Variants in EMP1 observed in about 807,000 individuals in gnomAD.
The protein encoded by EMP1 is tumor-associated membrane protein.
In EMP1, 5 loss-of-function variants were observed where a neutral mutation model predicts 15.7. The ratio of observed to expected loss-of-function variants is 0.32; its 90% confidence interval spans 0.17 to 0.67. The LOEUF (loss-of-function observed/expected upper bound fraction) is 0.67. Ranked by LOEUF, EMP1 falls within the 30% of genes least tolerant of loss-of-function variation. The pLI, the probability that EMP1 is intolerant of heterozygous loss-of-function variation, is 0.74. For missense variants in EMP1, 166 were observed against 194.2 expected (o/e 0.85, Z 0.86); for synonymous variants, 78 against 76.7 (o/e 1.02, Z -0.09).
chr12:13,204,861 T>G (rs368849514), intron 1 of EMP1, among the ~76,000 whole-genome samples: 1 of 152,216 alleles, frequency 6.6e-6, no homozygotes, highest in Admixed American at 6.5e-5. Flanking sequence ...CAGGACTGTG[T>G]TATGACTTGA....
At chr12:13,202,939 C>T (rs987011554) in intron 1 of EMP1, among the ~76,000 whole-genome samples, 2 of 152,172 alleles carry the variant, frequency 1.3e-5, no homozygotes, top group Admixed American at 6.5e-5. Flanking sequence ...GAAATGGCTT[C>T]AGTTCTGATT....
chr12:13,203,928 GGC>G (rs1211485745), intron 1 of EMP1, among the ~76,000 whole-genome samples: 3 of 152,074 alleles, frequency 2.0e-5, no homozygotes, highest in Non-Finnish European at 4.4e-5. Flanking sequence ...CCCACACCTT[GGC>G]TCCTCACCCC....
rs1454366992 is a variant in EMP1, at chr12:13,216,508, A to G, written c.*1817A>G. 1 of 700,128 alleles carries G rather than the reference A, an allele frequency of 1.4e-6. No individual in the cohort carries two copies. Among genetic ancestry groups the G allele is most frequent in the Non-Finnish European group, 2.6e-6 (1 of 383,700 alleles). The allele number at this position is 700,128 out of a possible 1,614,324, so 43.4% of individuals were successfully genotyped here. On this transcript the variant is annotated 3_prime_UTR_variant, in exon 5 of 5. Coordinates refer to ENST00000256951, the MANE Select transcript of EMP1 (RefSeq NM_001423.3). The stretch of plus-strand genomic sequence containing the variant: ...AGAAGGCTGTCTTAGTGCAAAAAAC[A>G]TACTTACATTTCAGACATATCCAAA...
chr12:13,206,072 C>T (rs1042446935), intron 1 of EMP1, among the ~76,000 whole-genome samples: 1 of 151,964 alleles, frequency 6.6e-6, no homozygotes, highest in African/African-American at 2.4e-5. Flanking sequence ...ATGCCATGGT[C>T]AGGCTAGGAC....
At chr12:13,209,508 G>A (rs1467454474) in intron 1 of EMP1, 3 of 152,168 alleles carry the variant, frequency 2.0e-5, no homozygotes, top group Non-Finnish European at 4.4e-5. Flanking sequence ...ACTGGGTTGG[G>A]TTGGCAACAG....
At position 13,202,026 on chromosome 12, in the gene EMP1, C is replaced by T. The variant is rs138296788; in HGVS notation, c.-43+5154C>T. On this transcript the variant is annotated intron_variant, in intron 1 of 4. Transcript: ENST00000256951. ...AGGGAGGGCAAGTGGGATGCTGTTTCCCAGGCCTGTGTGTTGAGGGAGGAG... is the reference window on the plus strand; with the variant it reads ...AGGGAGGGCAAGTGGGATGCTGTTTTCCAGGCCTGTGTGTTGAGGGAGGAG... Among the ~76,000 whole-genome samples the T allele has an allele frequency of 2.0e-5, 3 of 152,064 alleles. No homozygotes were observed. The East Asian group carries it at 5.8e-4, about 29-fold the overall frequency.
In EMP1 at chr12:13,213,584, A is replaced by T; in HGVS notation, c.175+9A>T. On this transcript the variant is annotated intron_variant, in intron 3 of 4. Transcript: ENST00000256951. ...GTCATATGCCAGTGAAGGTATATAT[A>T]AAGATATTGACCCAGTGCTGACAAT... 1.2e-6 allele frequency: 2 copies of T among 1,614,128 alleles called. No individual in the cohort carries two copies. The highest frequency in any genetic ancestry group is 1.7e-6 in the Non-Finnish European group (2 of 1,179,960).
intron 2 of EMP1, among the ~76,000 whole-genome samples, chr12:13,213,263 G>A (rs1192800983): frequency 6.6e-6 from 1 of 152,106 alleles, no homozygotes; most frequent in Non-Finnish European, 1.5e-5. Context: ...TTTCTTTCTG[G>A]GTTTCACATT....
chr12:13,207,647 A>G (rs1361583916), intron 1 of EMP1, among the ~76,000 whole-genome samples: 1 of 152,172 alleles, frequency 6.6e-6, no homozygotes, highest in Non-Finnish European at 1.5e-5. Flanking sequence ...ACTTCTCTCC[A>G]GAGTCAACAT....
intron 1 of EMP1, among the ~76,000 whole-genome samples, chr12:13,208,185 T>G (rs1213019758): frequency 6.6e-6 from 1 of 152,228 alleles, no homozygotes; most frequent in Non-Finnish European, 1.5e-5. Context: ...GGTATTTTTT[T>G]CAGTGCCTTT....
At position 13,213,971 on chromosome 12, in the gene EMP1, T is replaced by G; in HGVS notation, c.316+150T>G. On this transcript the variant is annotated intron_variant, in intron 4 of 4. Coordinates refer to ENST00000256951, the MANE Select transcript of EMP1 (RefSeq NM_001423.3). ...GTTATTTGTTCTCTTGTGGAGAACC[T>G]TGGATTGCTGCTTAGGTTAAGAACC... 5.1e-6 allele frequency: 6 copies of G among 1,171,632 alleles called. No individual in the cohort carries two copies. The East Asian group carries it at 1.5e-4, about 29-fold the overall frequency. The allele number at this position is 1,171,632 out of a possible 1,614,324, so 72.6% of individuals were successfully genotyped here.
intron 1 of EMP1, among the ~76,000 whole-genome samples, chr12:13,205,278 T>C (rs182293113): frequency 3.3e-5 from 5 of 152,372 alleles, no homozygotes; most frequent in Admixed American, 6.5e-5. Flanking sequence ...TAAGACATTT[T>C]CTTTGCATTC....
chr12:13,213,653 C>T (rs1401953399), intron 3 of EMP1, 28 bp from the exon 4 acceptor site: 11 of 1,613,746 alleles, frequency 6.8e-6, no homozygotes, highest in Non-Finnish European at 8.5e-6. Flanking sequence ...GACCTCATGC[C>T]CTTGTTCTCC....
Position 13,198,983 on chromosome 12 carries a change from G to C in EMP1, c.-43+2111G>C, listed in dbSNP as rs1017635921. Reference sequence around the variant, plus strand: ...TGCCCGCTGCCTCCCACCCTCAGGGGCAGATCCAATTCCACCCAGACTCCG... The same window carrying C: ...TGCCCGCTGCCTCCCACCCTCAGGGCCAGATCCAATTCCACCCAGACTCCG... On this transcript the variant is annotated intron_variant, in intron 1 of 4. Coordinates refer to ENST00000256951, the MANE Select transcript of EMP1 (RefSeq NM_001423.3). Among the ~76,000 whole-genome samples the C allele has an allele frequency of 6.2e-5, 9 of 144,086 alleles. No homozygotes were observed. The East Asian group carries it at 1.9e-3, about 30-fold the overall frequency. 94.5% of individuals were successfully genotyped at this position (144,086 alleles called of 152,430 possible). A position where few individuals can be genotyped will look rare whatever the true frequency, so the allele number is the denominator to read the frequency against.
intron 1 of EMP1, among the ~76,000 whole-genome samples, chr12:13,205,555 T>C (rs1276642563): frequency 2.0e-5 from 3 of 152,240 alleles, no homozygotes; most frequent in Non-Finnish European, 4.4e-5. Context: ...TCTTCAGTCA[T>C]TTTGACATTG....
intron 4 of EMP1, 76 bp downstream of exon 4, chr12:13,213,897 A>G: frequency 6.3e-7 from 1 of 1,583,574 alleles, no homozygotes. Flanking sequence ...CAACTTGAAC[A>G]GATTAGCACA....
chr12:13,202,560 CT>C (rs1864075383), intron 1 of EMP1, among the ~76,000 whole-genome samples: 1 of 152,134 alleles, frequency 6.6e-6, no homozygotes, highest in Non-Finnish European at 1.5e-5. Flanking sequence ...AGACCTGGAG[CT>C]TCCCTTTATT....
chr12:13,206,846 C>T (rs1279305451), intron 1 of EMP1, among the ~76,000 whole-genome samples: 2 of 152,168 alleles, frequency 1.3e-5, no homozygotes, highest in Admixed American at 1.3e-4. Context: ...TCAGAGAACC[C>T]TAAAAGTGTT....
chr12:13,212,705 G>T (rs1376726557), intron 2 of EMP1, among the ~76,000 whole-genome samples: 1 of 152,248 alleles, frequency 6.6e-6, no homozygotes, highest in East Asian at 1.9e-4. Flanking sequence ...GCAGGGATTG[G>T]CGTAGGTGAT....
Sources: allele counts gnomAD v4.1 joint callset (sites outside exome capture counted in the v4.1 genomes callset), GRCh38; gene constraint gnomAD v4.1.1; transcripts MANE v1.5; gene names NCBI Gene and HGNC (gene_info 2026-07-23, HGNC 2026-07-21).